The following ZNF513 variants were observed in gnomAD, a reference collection of about 807,000 sequenced individuals.
ZNF513 encodes zinc finger protein 513.
Under a neutral mutation model 39.7 loss-of-function variants are expected in ZNF513, and 16 were observed. The ratio of observed to expected loss-of-function variants is 0.40; its 90% CI spans 0.27 to 0.61. The LOEUF (loss-of-function observed/expected upper bound fraction) is 0.61. ZNF513 is among the 20% of genes least tolerant of loss of function. The pLI is 0.39. For synonymous variants in ZNF513, 348 were observed against 296.5 expected (o/e 1.17, Z -1.79); for missense variants, 699 against 743.6 (o/e 0.94, Z 0.70).
rs990163034 is a variant in ZNF513, at chr2:27,380,681, G to A, written c.-155C>T. On this transcript the variant is annotated 5_prime_UTR_variant, in exon 1 of 4. Transcript: ENST00000323703. ...GGCAGCCCCCGGCCCTGGCCCCGGC[G>A]CCCAGCTCAGGCCGCTCCCGCCGCC... 7.2e-6 allele frequency: 9 copies of A among 1,241,862 alleles called. No individual in the cohort carries two copies. The African/African-American group carries it at 9.4e-5, about 13-fold the overall frequency. The allele number at this position is 1,241,862 out of a possible 1,614,324, so 76.9% of individuals were successfully genotyped here.
chr2:27,379,147 G>C (rs1018747845), intron 2 of ZNF513, 93 bp from the exon 3 acceptor site: 2 of 1,260,104 alleles, frequency 1.6e-6, no homozygotes, highest in Non-Finnish European at 2.3e-6. Flanking sequence ...CACTTGCTTG[G>C]CTCCACCCTT....
In ZNF513 at chr2:27,380,464, C is replaced by A; in HGVS notation, c.55+8G>T. ...GCTCCTCTCCCCTCAAGGCCCCTGA[C>A]CCCTGACCTTTGACCCCCTCGCATT... On this transcript the variant is annotated splice_region_variant and intron_variant, in intron 1 of 3. Transcript: ENST00000323703. 6.3e-7 allele frequency: 1 copy of A among 1,593,628 alleles called. No homozygotes were observed.
Position 27,378,421 on chromosome 2 carries a change from G to A in ZNF513, c.799+46C>T, listed in dbSNP as rs774977451. On this transcript the variant is annotated intron_variant, in intron 3 of 3. Coordinates refer to ENST00000323703, the MANE Select transcript of ZNF513 (RefSeq NM_144631.6). This position sits in a 1 kb window ranked among gnomAD's most constrained non-coding sequence, Gnocchi z 8.0. ...TGAATCCAATCCAAGCATTCCTAGGGTCAGCCACCCATGTCCCAAGATCTT... is the reference window on the plus strand; with the variant it reads ...TGAATCCAATCCAAGCATTCCTAGGATCAGCCACCCATGTCCCAAGATCTT... The A allele has an allele frequency of 6.2e-7, 1 of 1,612,752 alleles. No homozygotes were observed. The highest frequency in any genetic ancestry group is 1.1e-5 in the South Asian group (1 of 91,072).
rs1296943021 is a variant in ZNF513 at position 27,378,798 on chromosome 2, G to C, written c.468C>G (p.Thr156=). 2 of 1,613,756 alleles carry C rather than the reference G, an allele frequency of 1.2e-6. No homozygotes were observed. The highest frequency in any genetic ancestry group is 1.7e-6 in the Non-Finnish European group (2 of 1,179,906). ...GGTGGCTCGAGTAGTGGGACACGAA[G>C]GTGCAGAGGCGGCATGAGTACAGTA... The part of the protein sequence containing the change: ...PRLLYSCRLC[T]FVSHYSSHLK... The change falls in exon 3 of 4, where the codon ACC becomes ACG. Residue 156 remains threonine, a synonymous_variant. Coordinates refer to ENST00000323703, the MANE Select transcript of ZNF513 (RefSeq NM_144631.6). The surrounding 1 kb of genome is among the most constrained non-coding windows in gnomAD (Gnocchi z 8.0).
Position 27,380,581 on chromosome 2 carries a change from C to T in ZNF513, c.-55G>A. On this transcript the variant is annotated 5_prime_UTR_variant, in exon 1 of 4. Coordinates refer to ENST00000323703, the MANE Select transcript of ZNF513 (RefSeq NM_144631.6). ...GGCCTGCGGCCGCCCGACCCCGCCC[C>T]TCCTATCTCGGCCCGCCTGTCTGCC... 6.5e-7 allele frequency: 1 copy of T among 1,538,356 alleles called. No individual in the cohort carries two copies. Among genetic ancestry groups the T allele is most frequent in the Non-Finnish European group, 8.8e-7 (1 of 1,137,834 alleles).
rs965906683 is a variant in ZNF513 at position 27,378,896 on chromosome 2, C to T, written c.370G>A (p.Gly124Arg). The T allele has an allele frequency of 2.5e-6, 4 of 1,603,968 alleles. No homozygotes were observed. The highest frequency in any genetic ancestry group is 1.3e-5 in the African/African-American group (1 of 74,718). ...ERPGPACQLC[G>R]GPTGEGPCCG... ...CACGGCCCCTCACCTGTCGGCCCCC[C>T]ACACAGCTGGCAGGCTGGGCCTGGC... is the stretch of plus-strand genomic sequence containing the variant. Residue 124 changes from glycine (G) to arginine (R), a missense_variant, in exon 3 of 4, where the codon GGG becomes AGG. Gly to Arg is a moderately radical substitution (Grantham distance 125). Coordinates refer to ENST00000323703, the MANE Select transcript of ZNF513 (RefSeq NM_144631.6). This position sits in a 1 kb window ranked among gnomAD's most constrained non-coding sequence, Gnocchi z 8.0.
chr2:27,378,289 A>G lies in ZNF513; in HGVS notation c.882T>C (p.Gly294=), dbSNP rs758523502. Residue 294 remains glycine, a synonymous_variant, in exon 4 of 4, where the codon GGT becomes GGC. Coordinates refer to ENST00000323703, the MANE Select transcript of ZNF513 (RefSeq NM_144631.6). This position sits in a 1 kb window ranked among gnomAD's most constrained non-coding sequence, Gnocchi z 8.0. ...SFLPDCGQLR[G]EGEGLCGTGS... ...CAGTCCCGCAGAGGCCCTCCCCTTC[A>G]CCCCGCAGCTGCCCACAGTCTGGCA... The G allele has an allele frequency of 1.9e-6, 3 of 1,600,670 alleles. No individual in the cohort carries two copies. The highest frequency in any genetic ancestry group is 2.5e-6 in the Non-Finnish European group (3 of 1,179,900).
chr2:27,380,654 T>C lies in ZNF513; in HGVS notation c.-128A>G. The stretch of plus-strand genomic sequence containing the variant: ...CGCCCCCATGCAGCGGCGCGGGCCC[T>C]GGGCAGCCCCCGGCCCTGGCCCCGG... On this transcript the variant is annotated 5_prime_UTR_variant, in exon 1 of 4. Transcript: ENST00000323703. 5.2e-6 allele frequency: 7 copies of C among 1,349,938 alleles called. No individual in the cohort carries two copies. Among genetic ancestry groups the C allele is most frequent in the Non-Finnish European group, 6.6e-6 (7 of 1,055,030 alleles). 83.6% of individuals were successfully genotyped at this position (1,349,938 alleles called of 1,614,324 possible).
At chr2:27,379,105 C>T in intron 2 of ZNF513, 51 bp from the exon 3 acceptor site, 2 of 1,566,052 alleles carry the variant, frequency 1.3e-6, no homozygotes, top group South Asian at 1.1e-5. Flanking sequence ...GGATCAGGCT[C>T]CAAACTCTCC....
At position 27,380,505 on chromosome 2, in the gene ZNF513, G is replaced by A; in HGVS notation, c.22C>T (p.His8Tyr). 6.3e-7 allele frequency: 1 copy of A among 1,583,840 alleles called. No homozygotes were observed. Among genetic ancestry groups the A allele is most frequent in the Non-Finnish European group, 8.7e-7 (1 of 1,155,950 alleles). The change falls in exon 1 of 4, where the codon CAC (histidine) becomes TAC (tyrosine). Residue 8 changes from histidine to tyrosine, a missense_variant. Coordinates refer to ENST00000323703, the MANE Select transcript of ZNF513 (RefSeq NM_144631.6). The part of the protein sequence containing the change: MPRRKQS[H>Y]PQPVKCEGVK... The stretch of plus-strand genomic sequence containing the variant: ...CCCTCGCATTTCACGGGCTGCGGGT[G>A]GCTTTGCTTCCTTCGGGGCATCGTG...
At position 27,380,545 on chromosome 2, in the gene ZNF513, G is replaced by T. The variant is rs1683573866; in HGVS notation, c.-19C>A. 1.3e-6 allele frequency: 2 copies of T among 1,559,394 alleles called. No individual in the cohort carries two copies. The highest frequency in any genetic ancestry group is 1.8e-5 in the Admixed American group (1 of 55,834). Reference sequence around the variant, plus strand: ...GGGGCATCGTGACCGGCTCCAGCCCGACGCGCCTCCGGCCTGCGGCCGCCC... The same window carrying T: ...GGGGCATCGTGACCGGCTCCAGCCCTACGCGCCTCCGGCCTGCGGCCGCCC... On this transcript the variant is annotated 5_prime_UTR_variant, in exon 1 of 4. Coordinates refer to ENST00000323703, the MANE Select transcript of ZNF513 (RefSeq NM_144631.6).
intron 2 of ZNF513, 99 bp downstream of exon 2, chr2:27,379,994 G>A (rs1213795633): frequency 5.3e-6 from 8 of 1,502,458 alleles, no homozygotes; most frequent in South Asian, 3.4e-5. Flanking sequence ...ACCAGCCCTC[G>A]GTTGTGGCAG....
rs2148413495 is a variant in ZNF513, at chr2:27,378,791, A to T, written c.475T>A (p.Ser159Thr). 1.2e-6 allele frequency: 2 copies of T among 1,613,810 alleles called. 1 individual carries two copies. The highest frequency in any genetic ancestry group is 4.5e-5 in the East Asian group (2 of 44,854). The change falls in exon 3 of 4, where the codon TCC (serine) becomes ACC (threonine). Residue 159 changes from serine to threonine, a missense_variant. Ser to Thr is a moderately conservative substitution (Grantham distance 58). Coordinates refer to ENST00000323703, the MANE Select transcript of ZNF513 (RefSeq NM_144631.6). The surrounding 1 kb of genome is among the most constrained non-coding windows in gnomAD (Gnocchi z 8.0). ...CGCTTCAGGTGGCTCGAGTAGTGGG[A>T]CACGAAGGTGCAGAGGCGGCATGAG... is the stretch of plus-strand genomic sequence containing the variant. ...LYSCRLCTFV[S>T]HYSSHLKRHM...
Position 27,378,487 on chromosome 2 carries a change from G to A in ZNF513, c.779C>T (p.Ala260Val), listed in dbSNP as rs572233132. The part of the protein sequence containing the change: ...RPPSPTEQEG[A>V]VPRRPEDALL... The stretch of plus-strand genomic sequence containing the variant: ...CTTACCTTCAGGTCGCCGGGGCACC[G>A]CCCCCTCCTGCTCTGTGGGACTGGG... Residue 260 changes from alanine (A) to valine (V), a missense_variant, in exon 3 of 4, where the codon GCG becomes GTG. Around this residue, in one of 3 missense-constraint regions of ZNF513, gnomAD observed 530 missense variants for 499.3 expected, o/e 1.06. Transcript: ENST00000323703. The surrounding 1 kb of genome is among the most constrained non-coding windows in gnomAD (Gnocchi z 8.0). The A allele has an allele frequency of 1.6e-5, 26 of 1,614,040 alleles. 1 individual carries two copies. The South Asian group carries it at 1.6e-4, about 10-fold the overall frequency.
rs897757537 is a variant in ZNF513, at chr2:27,378,853, G to A, written c.413C>T (p.Pro138Leu). ...TGGGGGCAGCAGGGGCCCCCCACCC[G>A]GCCCTCCTGCCCCACAACACGGCCC... Reference protein sequence around the residue: ...GEGPCCGAGGPGGGPLLPPRL... With the variant: ...GEGPCCGAGGLGGGPLLPPRL... Residue 138 changes from proline to leucine, a missense_variant, in exon 3 of 4, where the codon CCG (proline) becomes CTG (leucine). By Grantham distance (98) the Pro-to-Leu change is moderately conservative. Transcript: ENST00000323703. This position sits in a 1 kb window ranked among gnomAD's most constrained non-coding sequence, Gnocchi z 8.0. The A allele has an allele frequency of 5.0e-6, 8 of 1,604,950 alleles. No homozygotes were observed. The highest frequency in any genetic ancestry group is 6.8e-6 in the Non-Finnish European group (8 of 1,175,940).
rs1206165096 is a variant in ZNF513, at chr2:27,378,740, T to G, written c.526A>C (p.Lys176Gln). Reference protein sequence around the residue: ...KRHMQTHSGEKPFRCGRCPYA... With the variant: ...KRHMQTHSGEQPFRCGRCPYA... ...GGGCAGCGGCCACAGCGGAACGGCT[T>G]CTCTCCGCTGTGTGTCTGCATGTGC... Residue 176 changes from lysine to glutamine, a missense_variant, in exon 3 of 4, where the codon AAG (lysine) becomes CAG (glutamine). Physicochemically the swap from Lys to Gln is moderately conservative, Grantham distance 53 (BLOSUM62 1). Transcript: ENST00000323703. This position sits in a 1 kb window ranked among gnomAD's most constrained non-coding sequence, Gnocchi z 8.0. 2 of 1,614,010 alleles carry G rather than the reference T, an allele frequency of 1.2e-6. No homozygotes were observed. Among genetic ancestry groups the G allele is most frequent in the Non-Finnish European group, 1.7e-6 (2 of 1,179,944 alleles).
chr2:27,379,480 G>A (rs1384275481), intron 2 of ZNF513, among the ~76,000 whole-genome samples: 1 of 152,156 alleles, frequency 6.6e-6, no homozygotes, highest in Admixed American at 6.5e-5. Flanking sequence ...TATCTCTGAG[G>A]CAAAATTTGG....
In ZNF513 at chr2:27,378,534, A is replaced by T; in HGVS notation, c.732T>A (p.Cys244Ter). ...PPCPTCGFRC[C>*]TPRPARPPSP... ...TGGGAGGCCGGGCTGGTCGTGGAGT[A>T]CAGCAGCGGAAGCCACAGGTCGGGC... Residue 244 changes from cysteine (C) to a stop codon, truncating the protein, a stop_gained, in exon 3 of 4, where the codon TGT becomes TGA. Transcript: ENST00000323703. LOFTEE classifies it high-confidence loss of function. This position sits in a 1 kb window ranked among gnomAD's most constrained non-coding sequence, Gnocchi z 8.0. 6.2e-7 allele frequency: 1 copy of T among 1,614,078 alleles called. No homozygotes were observed. The highest frequency in any genetic ancestry group is 8.5e-7 in the Non-Finnish European group (1 of 1,180,008).
Position 27,378,254 on chromosome 2 carries a change from G to A in ZNF513, c.917C>T (p.Pro306Leu). 2.5e-6 allele frequency: 4 copies of A among 1,602,240 alleles called. No homozygotes were observed. The highest frequency in any genetic ancestry group is 3.4e-6 in the Non-Finnish European group (4 of 1,179,962). The change falls in exon 4 of 4, where the codon CCA becomes CTA. Residue 306 changes from proline (P) to leucine (L), a missense_variant. Transcript: ENST00000323703. The surrounding 1 kb of genome is among the most constrained non-coding windows in gnomAD (Gnocchi z 8.0). Reference protein sequence around the residue: ...GEGLCGTGSEPLPELLFPWTC... With the variant: ...GEGLCGTGSELLPELLFPWTC... ...CCAAGGGAATAGCAGCTCTGGCAGT[G>A]GTTCTGATCCAGTCCCGCAGAGGCC... is the stretch of plus-strand genomic sequence containing the variant.
Sources: gnomAD v4.1 joint callset for allele counts (sites outside exome capture counted in the v4.1 genomes callset) on GRCh38, gnomAD v4.1.1 for gene constraint, gnomAD v4.1.1 regional missense constraint, Gnocchi (gnomAD v3.1) non-coding constraint, MANE v1.5 for transcripts, NCBI Gene and HGNC (gene_info 2026-07-23, HGNC 2026-07-21) for gene names.